Variants in PAPPA2 observed in about 807,000 individuals in gnomAD.
PAPPA2 encodes pappalysin 2.
A neutral mutation model predicts 176.4 loss-of-function variants in PAPPA2; 86 were observed. The observed-to-expected ratio is 0.49, with a 90% CI of 0.41 to 0.58. PAPPA2 has a LOEUF of 0.58. Among genes scored for constraint, PAPPA2 ranks in the 20% least tolerant of loss-of-function variants. The probability of loss-of-function intolerance (pLI) is 0.00; values close to 1 mark genes in which losing one functional copy is unlikely to be tolerated. For synonymous variants in PAPPA2, 809 were observed against 852.2 expected (o/e 0.95, Z 0.88); for missense variants, 2,073 against 2,256.9 (o/e 0.92, Z 1.65).
At chr1:176,701,601 A>G (rs1287275563) in intron 8 of PAPPA2, among the ~76,000 whole-genome samples, 14 of 152,194 alleles carry the variant, frequency 9.2e-5, no homozygotes, top group Non-Finnish European at 1.5e-5. Context: ...TGAAACCCTG[A>G]GACATTTCCT....
chr1:176,711,828 AT>A lies in PAPPA2; in HGVS notation c.3652-4del. 6.3e-7 allele frequency: 1 copy of A among 1,592,382 alleles called. No homozygotes were observed. The highest frequency in any genetic ancestry group is 8.6e-7 in the Non-Finnish European group (1 of 1,161,482). On this transcript the variant is annotated splice_polypyrimidine_tract_variant and splice_region_variant and intron_variant, in intron 11 of 22. Coordinates refer to ENST00000367662, the MANE Select transcript of PAPPA2 (RefSeq NM_020318.3). ...ACTTCAAATTGTTGGTTGAAATTGT[AT>A]TTCAGATTTGCACATCATACCATCC...
intron 3 of PAPPA2, among the ~76,000 whole-genome samples, chr1:176,662,053 A>G (rs1573212411): frequency 6.6e-6 from 1 of 152,138 alleles, no homozygotes; most frequent in Non-Finnish European, 1.5e-5. Context: ...TGTCTTCTGT[A>G]TCTTTTCATT....
Position 176,633,101 on chromosome 1 carries a change from C to T in PAPPA2, c.1991+37506C>T, listed in dbSNP as rs546732576. ...TCATTTCTATTTTTATAGATGAGGG[C>T]ATTGAAGCAGAGAGAGGTAAGTCAC... On this transcript the variant is annotated intron_variant, in intron 3 of 22. Transcript: ENST00000367662. 9.9e-5 allele frequency among the ~76,000 whole-genome samples: 15 copies of T among 152,252 alleles called. No individual in the cohort carries two copies. The East Asian group carries it at 2.5e-3, about 25-fold the overall frequency.
chr1:176,811,231 A>G (rs1666133121), intron 21 of PAPPA2, among the ~76,000 whole-genome samples: 1 of 152,210 alleles, frequency 6.6e-6, no homozygotes, highest in African/African-American at 2.4e-5. Context: ...TATCTGCATA[A>G]AAAAACCAAT....
Position 176,699,110 on chromosome 1 carries a change from T to C in PAPPA2, c.2757T>C (p.Asp919=). The change falls in exon 8 of 23, where the codon GAT becomes GAC. Residue 919 remains aspartate, a synonymous_variant. Transcript: ENST00000367662. The stretch of plus-strand genomic sequence containing the variant: ...CTAATCTCCCCCCAGGGCCTCCTGA[T>C]GTGGATCAGCCCTGCGAGCCAAGCT... ...WTPEEAVGPP[D]VDQPCEPSLQ... The C allele has an allele frequency of 1.2e-6, 2 of 1,611,492 alleles. No homozygotes were observed. The highest frequency in any genetic ancestry group is 1.7e-6 in the Non-Finnish European group (2 of 1,178,102).
intron 21 of PAPPA2, among the ~76,000 whole-genome samples, chr1:176,807,437 A>C (rs1047569578): frequency 6.6e-6 from 1 of 152,124 alleles, no homozygotes; most frequent in African/African-American, 2.4e-5. Flanking sequence ...TTTTAGAAAA[A>C]AAGAAGTTGA....
chr1:176,603,115 T>A (rs2102664574), intron 3 of PAPPA2, among the ~76,000 whole-genome samples: 1 of 152,354 alleles, frequency 6.6e-6, no homozygotes, highest in East Asian at 1.9e-4. Context: ...TATTTCCTTT[T>A]AGAAATTTTT....
Position 176,555,888 on chromosome 1 carries a change from A to G in PAPPA2, c.-435A>G, listed in dbSNP as rs1375131785. On this transcript the variant is annotated 5_prime_UTR_variant, in exon 2 of 23. Coordinates refer to ENST00000367662, the MANE Select transcript of PAPPA2 (RefSeq NM_020318.3). ...AGGTAGCGAGGAGTGTGTGTTTGTG[A>G]GTGTGTATTTGAGAGACTTGGCTCA... is the stretch of plus-strand genomic sequence containing the variant. 1.2e-5 allele frequency: 2 copies of G among 164,518 alleles called. No individual in the cohort carries two copies. Among genetic ancestry groups the G allele is most frequent in the Non-Finnish European group, 2.6e-5 (2 of 76,284 alleles). The allele number at this position is 164,518 out of a possible 1,614,324, so 10.2% of individuals were successfully genotyped here.
At chr1:176,617,424 CA>C (rs1028738209) in intron 3 of PAPPA2, among the ~76,000 whole-genome samples, 4 of 152,070 alleles carry the variant, frequency 2.6e-5, no homozygotes, top group Admixed American at 2.6e-4. Context: ...GTCACATGAG[CA>C]GTGTACACTG....
intron 18 of PAPPA2, among the ~76,000 whole-genome samples, chr1:176,790,345 A>G (rs1177142141): frequency 6.6e-6 from 1 of 152,198 alleles, no homozygotes; most frequent in Non-Finnish European, 1.5e-5. Context: ...GAACAGAAAC[A>G]CAAATTCCTC....
intron 14 of PAPPA2, among the ~76,000 whole-genome samples, chr1:176,747,488 T>A (rs966253826): frequency 2.0e-5 from 3 of 152,026 alleles, no homozygotes; most frequent in African/African-American, 7.3e-5. Context: ...TCCTATGGGG[T>A]CCTAGCCCAG....
rs564241547 is a variant in PAPPA2, at chr1:176,843,779, C to G, written c.*1325C>G. On this transcript the variant is annotated 3_prime_UTR_variant, in exon 23 of 23. Coordinates refer to ENST00000367662, the MANE Select transcript of PAPPA2 (RefSeq NM_020318.3). Reference sequence around the variant, plus strand: ...GAGACTCGGTCCTTGTTCCAAGTCTCCAAAGAAGACCAAAGTGGGTCCCTT... The same window carrying G: ...GAGACTCGGTCCTTGTTCCAAGTCTGCAAAGAAGACCAAAGTGGGTCCCTT... 7.2e-5 allele frequency: 11 copies of G among 152,072 alleles called. No homozygotes were observed. The highest frequency in any genetic ancestry group is 2.2e-4 in the African/African-American group (9 of 41,470). The allele number at this position is 152,072 out of a possible 1,614,324, so 9.4% of individuals were successfully genotyped here.
intron 21 of PAPPA2, among the ~76,000 whole-genome samples, chr1:176,839,560 CG>C (rs1402410274): frequency 6.6e-6 from 1 of 152,078 alleles, no homozygotes; most frequent in Non-Finnish European, 1.5e-5. Flanking sequence ...AGCACCACTG[CG>C]GGCTGGACAG....
intron 20 of PAPPA2, among the ~76,000 whole-genome samples, chr1:176,799,138 A>G (rs1487516070): frequency 6.6e-6 from 1 of 152,204 alleles, no homozygotes; most frequent in Non-Finnish European, 1.5e-5. Flanking sequence ...TTAAAATGTG[A>G]ATATGCAGGT....
intron 3 of PAPPA2, among the ~76,000 whole-genome samples, chr1:176,628,427 A>G (rs1288714330): frequency 6.6e-6 from 1 of 152,188 alleles, no homozygotes; most frequent in Non-Finnish European, 1.5e-5. Context: ...CTACCTTGTT[A>G]TGTACTGTAG....
intron 3 of PAPPA2, among the ~76,000 whole-genome samples, chr1:176,599,204 C>T (rs115968252): frequency 0.018 from 2,742 of 148,948 alleles, 45 homozygotes; most frequent in African/African-American, 0.048. Context: ...TATATATATA[C>T]ACACACACAC....
intron 2 of PAPPA2, among the ~76,000 whole-genome samples, chr1:176,581,674 C>A (rs2102629124): frequency 6.6e-6 from 1 of 152,020 alleles, no homozygotes; most frequent in East Asian, 1.9e-4. Context: ...TCTTTTACAT[C>A]CTTGGTTACA....
intron 21 of PAPPA2, among the ~76,000 whole-genome samples, chr1:176,830,168 A>G (rs1397205133): frequency 2.6e-5 from 4 of 152,216 alleles, no homozygotes; most frequent in Non-Finnish European, 5.9e-5. Context: ...CAAGGGTTTG[A>G]GACCAGCCTG....
At chr1:176,694,265 A>C (rs1422553352) in intron 6 of PAPPA2, among the ~76,000 whole-genome samples, 2 of 152,214 alleles carry the variant, frequency 1.3e-5, no homozygotes, top group African/African-American at 2.4e-5. Context: ...TTGGAGTCAG[A>C]GGTTGGATCT....
Sources: gnomAD v4.1 joint callset for allele counts (sites outside exome capture counted in the v4.1 genomes callset) on GRCh38, gnomAD v4.1.1 for gene constraint, MANE v1.5 for transcripts, NCBI Gene and HGNC (gene_info 2026-07-23, HGNC 2026-07-21) for gene names.